CDK5RAP2: variants seen among roughly 807,000 people sequenced by gnomAD.
CDK5RAP2 encodes the protein CDK5 regulatory subunit associated protein 2.
CDK5RAP2 carries 147 observed loss-of-function variants against 232.9 expected under a neutral mutation model. The observed-to-expected ratio is 0.63, with a 90% CI of 0.55 to 0.72. The LOEUF is 0.72. Among genes scored for constraint, CDK5RAP2 ranks in the 30% least tolerant of loss-of-function variants. The pLI, the probability that CDK5RAP2 is intolerant of heterozygous loss-of-function variation, is 0.00. For missense variants in CDK5RAP2, 2,195 were observed against 2,231.5 expected (o/e 0.98, Z 0.33); for synonymous variants, 833 against 833.7 (o/e 1.00, Z 0.01).
chr9:120,393,755 C>T (rs1007404464), intron 36 of CDK5RAP2, among the ~76,000 whole-genome samples: 2 of 152,234 alleles, frequency 1.3e-5, no homozygotes, highest in Non-Finnish European at 2.9e-5. Context: ...ACTGACCTTA[C>T]AAAAGTTACT....
At chr9:120,416,568 A>G (rs941624295) in intron 27 of CDK5RAP2, among the ~76,000 whole-genome samples, 7 of 152,218 alleles carry the variant, frequency 4.6e-5, no homozygotes, top group Admixed American at 1.3e-4. Flanking sequence ...TCTATATTAC[A>G]TTTTAACATA....
intron 3 of CDK5RAP2, among the ~76,000 whole-genome samples, chr9:120,560,291 A>G (rs549149588): frequency 6.6e-6 from 1 of 152,356 alleles, no homozygotes; most frequent in Admixed American, 6.5e-5. Context: ...AATGAGCTAA[A>G]GCACCTGGCA....
chr9:120,568,216 GC>G (rs2042717369), intron 3 of CDK5RAP2, 104 bp downstream of exon 3: 1 of 870,108 alleles, frequency 1.1e-6, no homozygotes, highest in African/African-American at 1.6e-5. Flanking sequence ...CCTGCCTCTG[GC>G]ATCACCGAAC....
At chr9:120,480,433 A>T (rs1460945038) in intron 14 of CDK5RAP2, among the ~76,000 whole-genome samples, 1 of 152,234 alleles carries the variant, frequency 6.6e-6, no homozygotes, top group Non-Finnish European at 1.5e-5. Context: ...CTTTGTCATC[A>T]AAAGAAATAG....
At chr9:120,516,799 A>T (rs2040360575) in intron 12 of CDK5RAP2, among the ~76,000 whole-genome samples, 5 of 152,216 alleles carry the variant, frequency 3.3e-5, no homozygotes, top group Admixed American at 3.3e-4. Context: ...ACCGCACTCC[A>T]GTCTAGGCAA....
At chr9:120,399,574 A>G (rs942191767) in intron 35 of CDK5RAP2, among the ~76,000 whole-genome samples, 1 of 152,184 alleles carries the variant, frequency 6.6e-6, no homozygotes, top group Non-Finnish European at 1.5e-5. Context: ...GAAAGGTGAG[A>G]AGGAGCCAGC....
At chr9:120,460,837 A>G in intron 18 of CDK5RAP2, 170 bp from the exon 19 acceptor site, 1 of 1,124,108 alleles carries the variant, frequency 8.9e-7, no homozygotes, top group Middle Eastern at 2.1e-4. Context: ...CCAAGGTTAG[A>G]GTTGCTAGTT....
chr9:120,407,217 A>C lies in CDK5RAP2; in HGVS notation c.4758T>G (p.Asp1586Glu). ...GGAGGCTGTGCAGGTCCCTGAAAGG[A>C]TCCTGCCCCTTCCAGCCTTCTCCCG... ...EASGEGWKGQ[D>E]PFRDLHSLLM... is the part of the protein sequence containing the mutation. The change falls in exon 32 of 38, where the codon GAT (aspartate) becomes GAG (glutamate). Residue 1586 changes from aspartate to glutamate, a missense_variant. Asp to Glu is a conservative substitution (Grantham distance 45, BLOSUM62 2). Transcript: ENST00000349780. 1 of 1,613,382 alleles carries C rather than the reference A, an allele frequency of 6.2e-7. No homozygotes were observed. The highest frequency in any genetic ancestry group is 8.5e-7 in the Non-Finnish European group (1 of 1,179,908).
intron 1 of CDK5RAP2, among the ~76,000 whole-genome samples, chr9:120,573,848 G>A (rs796900706): frequency 3.0e-4 from 45 of 152,248 alleles, no homozygotes; most frequent in African/African-American, 1.1e-3. Context: ...TTTCTAAACT[G>A]AATTTTAAAA....
At position 120,539,174 on chromosome 9, in the gene CDK5RAP2, G is replaced by A; in HGVS notation, c.384-10C>T. ...GCTCTCAACTGCTTTGCTGCAAAAAGAGGCACAGGGGTAAAACATGCAAGG... is the reference window on the plus strand; with the variant it reads ...GCTCTCAACTGCTTTGCTGCAAAAAAAGGCACAGGGGTAAAACATGCAAGG... On this transcript the variant is annotated splice_polypyrimidine_tract_variant and intron_variant, in intron 5 of 37. Transcript: ENST00000349780. 2 of 1,613,804 alleles carry A rather than the reference G, an allele frequency of 1.2e-6. No individual in the cohort carries two copies. The highest frequency in any genetic ancestry group is 1.7e-6 in the Non-Finnish European group (2 of 1,179,776).
intron 12 of CDK5RAP2, among the ~76,000 whole-genome samples, chr9:120,515,001 G>T (rs1214368397): frequency 6.6e-6 from 1 of 151,932 alleles, no homozygotes; most frequent in Non-Finnish European, 1.5e-5. Flanking sequence ...AATTTCAAAT[G>T]ATTACAAAGA....
intron 12 of CDK5RAP2, among the ~76,000 whole-genome samples, chr9:120,516,547 T>G (rs2040350165): frequency 6.6e-6 from 1 of 152,138 alleles, no homozygotes; most frequent in Non-Finnish European, 1.5e-5. Flanking sequence ...AAATTTTGGC[T>G]AGGTGCAGTG....
chr9:120,413,852 G>GGA lies in CDK5RAP2; in HGVS notation c.4297+1187_4297+1188insTC, dbSNP rs2034037079. ...GGGAGGAGGGAGGAGGGAAGGAGGA[G>GGA]GGAGGGAGAGGGCGAGATGGAGCCA... On this transcript the variant is annotated intron_variant, in intron 28 of 37. Transcript: ENST00000349780. Among the ~76,000 whole-genome samples the GGA allele has an allele frequency of 4.6e-5, 7 of 151,714 alleles. No homozygotes were observed. The South Asian group carries it at 1.5e-3, about 32-fold the overall frequency.
In CDK5RAP2 at chr9:120,491,209, A is replaced by G. The variant is rs534328847; in HGVS notation, c.1482+98T>C. ...CTCTAAAGTATTCTGAAACATAGCA[A>G]TGATTACTGTAATCATAAATATTTC... On this transcript the variant is annotated intron_variant, in intron 13 of 37. Coordinates refer to ENST00000349780, the MANE Select transcript of CDK5RAP2 (RefSeq NM_018249.6). 3.3e-5 allele frequency: 31 copies of G among 933,424 alleles called. No homozygotes were observed. In the African/African-American group the frequency reaches 4.1e-4, roughly 12 times the overall value. The allele number at this position is 933,424 out of a possible 1,614,324, so 57.8% of individuals were successfully genotyped here.
chr9:120,491,228 A>G (rs2038886928), intron 13 of CDK5RAP2, 79 bp downstream of exon 13: 3 of 1,095,684 alleles, frequency 2.7e-6, no homozygotes, highest in South Asian at 2.6e-5. Context: ...GTAATCATAA[A>G]TATTTCTGCA....
chr9:120,404,101 T>C lies in CDK5RAP2; in HGVS notation c.4976A>G (p.Tyr1659Cys). 1 of 1,612,218 alleles carries C rather than the reference T, an allele frequency of 6.2e-7. No homozygotes were observed. Reference protein sequence around the residue: ...LQPDKHDGDKYPMESDNSFDL... With the variant: ...LQPDKHDGDKCPMESDNSFDL... ...AAATGAATTATCACTTTCCATGGGATATTTGTCACCATCTACAAAATGCAA... is the reference window on the plus strand; with the variant it reads ...AAATGAATTATCACTTTCCATGGGACATTTGTCACCATCTACAAAATGCAA... The change falls in exon 33 of 38, where the codon TAT (tyrosine) becomes TGT (cysteine). Residue 1659 changes from tyrosine to cysteine, a missense_variant. Physicochemically the swap from Tyr to Cys is radical, Grantham distance 194. Transcript: ENST00000349780.
At chr9:120,520,773 G>T (rs10818460) in intron 11 of CDK5RAP2, among the ~76,000 whole-genome samples, 45,240 of 60,196 alleles carry the variant, frequency 0.75, 18,596 homozygotes, top group Non-Finnish European at 0.87. Context: ...ATATATCTCA[G>T]ATATCTCATG....
At chr9:120,400,331 C>T (rs1054796863) in intron 35 of CDK5RAP2, among the ~76,000 whole-genome samples, 2 of 152,114 alleles carry the variant, frequency 1.3e-5, no homozygotes, top group African/African-American at 4.8e-5. Flanking sequence ...GAAAAAGGCA[C>T]CTAAAATAAA....
intron 12 of CDK5RAP2, among the ~76,000 whole-genome samples, chr9:120,498,484 G>A (rs2039421302): frequency 6.6e-6 from 1 of 152,198 alleles, no homozygotes; most frequent in African/African-American, 2.4e-5. Flanking sequence ...ACAATTCAAT[G>A]TGGATCCTTC....
Sources: allele counts gnomAD v4.1 joint callset (sites outside exome capture counted in the v4.1 genomes callset), GRCh38; gene constraint gnomAD v4.1.1; transcripts MANE v1.5; gene names NCBI Gene and HGNC (gene_info 2026-07-23, HGNC 2026-07-21).